Variants in PPP2R2C observed in about 807,000 individuals in gnomAD.
PPP2R2C encodes protein phosphatase 2, regulatory subunit B, gamma.
Under a neutral mutation model 45.3 loss-of-function variants are expected in PPP2R2C, and 10 were observed. That is an observed-to-expected ratio of 0.22 (90% confidence interval 0.14 to 0.37). PPP2R2C has a LOEUF of 0.37. Ranked by LOEUF, PPP2R2C falls within the 10% of genes least tolerant of loss-of-function variation. PPP2R2C has a pLI of 1.00. For synonymous variants in PPP2R2C, 257 were observed against 245.4 expected, an observed-to-expected ratio of 1.05 and a Z score of -0.44; for missense variants, 308 against 619.7, an observed-to-expected ratio of 0.50 and a Z score of 5.34.
intron 2 of PPP2R2C, among the ~76,000 whole-genome samples, chr4:6,493,236 C>T (rs1722763711): frequency 6.6e-6 from 1 of 152,014 alleles, no homozygotes; most frequent in South Asian, 2.1e-4. Flanking sequence ...CACACACGCA[C>T]GCGCGCGCAC....
chr4:6,419,656 C>T (rs894116887), intron 1 of PPP2R2C, among the ~76,000 whole-genome samples: 3 of 152,140 alleles, frequency 2.0e-5, no homozygotes, highest in Non-Finnish European at 2.9e-5. Context: ...GCTGCTGTAA[C>T]ATATTACTAC....
Position 6,554,979 on chromosome 4 carries a change from A to AGAGAAGAGAAGAG in PPP2R2C, c.-59+8580_-59+8581insCTCTTCTCTTCTC, listed in dbSNP as rs1560620534. Among the ~76,000 whole-genome samples the AGAGAAGAGAAGAG allele has an allele frequency of 7.5e-4, 94 of 125,452 alleles. No homozygotes were observed. The East Asian group carries it at 9.6e-3, about 13-fold the overall frequency. The allele number at this position is 125,452 out of a possible 152,430, so 82.3% of individuals were successfully genotyped here. On this transcript the variant is annotated intron_variant, in intron 1 of 9. Transcript: ENST00000506140. ...AGAAAGAAAGAAAGAGAAAGAAAGA[A>AGAGAAGAGAAGAG]AAGAGAAGAGAAGAGAAGAGAAAAG...
chr4:6,558,155 G>C (rs566805623), intron 1 of PPP2R2C, among the ~76,000 whole-genome samples: 6 of 152,172 alleles, frequency 3.9e-5, no homozygotes, highest in African/African-American at 1.4e-4. Flanking sequence ...TGTGATGATC[G>C]CATCCCAACA....
At chr4:6,557,453 C>A (rs1372972064) in intron 1 of PPP2R2C, among the ~76,000 whole-genome samples, 2 of 152,112 alleles carry the variant, frequency 1.3e-5, no homozygotes, top group Non-Finnish European at 2.9e-5. Flanking sequence ...TGGAGACTCC[C>A]TGGGTGGGAC....
chr4:6,379,583 C>T (rs573167768), intron 2 of PPP2R2C, among the ~76,000 whole-genome samples: 3 of 152,344 alleles, frequency 2.0e-5, no homozygotes, highest in Admixed American at 6.5e-5. Flanking sequence ...AAGAAAATCG[C>T]ATCAACCAAT....
chr4:6,412,859 C>T (rs972432835), intron 1 of PPP2R2C, among the ~76,000 whole-genome samples: 1 of 152,160 alleles, frequency 6.6e-6, no homozygotes, highest in Non-Finnish European at 1.5e-5. Flanking sequence ...AGCTCCCTTG[C>T]CCCTTCCCCC....
At position 6,329,139 on chromosome 4, in the gene PPP2R2C, C is replaced by T. The variant is rs1732191572; in HGVS notation, c.1052+123G>A. 1 of 856,936 alleles carries T rather than the reference C, an allele frequency of 1.2e-6. No individual in the cohort carries two copies. Among genetic ancestry groups the T allele is most frequent in the Non-Finnish European group, 1.9e-6 (1 of 527,028 alleles). 53.1% of individuals were successfully genotyped at this position (856,936 alleles called of 1,614,324 possible). A position where few individuals can be genotyped will look rare whatever the true frequency, so the allele number is the denominator to read the frequency against. On this transcript the variant is annotated intron_variant, in intron 8 of 8. Transcript: ENST00000382599. This position sits in a 1 kb window ranked among gnomAD's most constrained non-coding sequence, Gnocchi z 5.8. The stretch of plus-strand genomic sequence containing the variant: ...CTGGAAAGCGTGGGCTTCACCCAGA[C>T]ACCTGGACCCATTGAGGCTGAGTAG...
At chr4:6,496,551 G>C (rs1577221630) in intron 2 of PPP2R2C, among the ~76,000 whole-genome samples, 1 of 152,176 alleles carries the variant, frequency 6.6e-6, no homozygotes, top group East Asian at 1.9e-4. Flanking sequence ...TATTCCCTAG[G>C]CACCTTCTGT....
intron 1 of PPP2R2C, among the ~76,000 whole-genome samples, chr4:6,459,421 T>C (rs1291661470): frequency 6.6e-6 from 1 of 152,148 alleles, no homozygotes; most frequent in Non-Finnish European, 1.5e-5. Context: ...GTTCTTCTCA[T>C]GATTGTGGAA....
chr4:6,562,865 A>T (rs67005752), intron 1 of PPP2R2C, among the ~76,000 whole-genome samples: 1 of 151,406 alleles, frequency 6.6e-6, no homozygotes, highest in Non-Finnish European at 1.5e-5. Flanking sequence ...CATAAAAGCC[A>T]ACCCGGGTCA....
intron 1 of PPP2R2C, among the ~76,000 whole-genome samples, chr4:6,552,109 G>A (rs1725203513): frequency 6.6e-6 from 1 of 152,204 alleles, no homozygotes; most frequent in African/African-American, 2.4e-5. Flanking sequence ...TTGCCACAAG[G>A]GGAGACCTGA....
At chr4:6,365,708 C>A (rs1577112100) in intron 5 of PPP2R2C, among the ~76,000 whole-genome samples, 1 of 152,142 alleles carries the variant, frequency 6.6e-6, no homozygotes. Flanking sequence ...GAGCCTCCTG[C>A]GGTGAATGGC....
intron 2 of PPP2R2C, among the ~76,000 whole-genome samples, chr4:6,512,203 G>A (rs1182374762): frequency 5.9e-5 from 5 of 84,778 alleles, no homozygotes; most frequent in Admixed American, 2.1e-4. Context: ...GGTGGTGATG[G>A]TGGTGGTGAT....
chr4:6,495,586 A>C (rs949994628), intron 2 of PPP2R2C, among the ~76,000 whole-genome samples: 7 of 152,214 alleles, frequency 4.6e-5, no homozygotes, highest in Admixed American at 2.0e-4. Flanking sequence ...TGATTCCAAG[A>C]GAAAGCAACA....
chr4:6,350,488 G>A (rs1180277987), intron 5 of PPP2R2C: 1 of 985,354 alleles, frequency 1.0e-6, no homozygotes, highest in African/African-American at 1.7e-5. Context: ...GAGGCTTGGT[G>A]GCAACAGAAG....
chr4:6,515,122 G>T (rs1723789876), intron 2 of PPP2R2C, among the ~76,000 whole-genome samples: 1 of 152,112 alleles, frequency 6.6e-6, no homozygotes, highest in Non-Finnish European at 1.5e-5. Flanking sequence ...CTTTTGAGGG[G>T]ACACAATTCC....
At chr4:6,391,740 C>T (rs542312566) in intron 1 of PPP2R2C, among the ~76,000 whole-genome samples, 22 of 152,156 alleles carry the variant, frequency 1.4e-4, no homozygotes, top group Admixed American at 2.6e-4. Context: ...CTTGGGGGAG[C>T]GGCAGCAGGG....
At chr4:6,467,764 T>C (rs767445780) in intron 1 of PPP2R2C, among the ~76,000 whole-genome samples, 5 of 152,164 alleles carry the variant, frequency 3.3e-5, no homozygotes, top group Admixed American at 6.5e-5. Context: ...CTCATGTAAC[T>C]GGAAGTTCAG....
intron 1 of PPP2R2C, among the ~76,000 whole-genome samples, chr4:6,440,318 A>T (rs1215821583): frequency 1.3e-5 from 2 of 152,246 alleles, no homozygotes; most frequent in Non-Finnish European, 2.9e-5. Context: ...TCTAACCTTT[A>T]GAGTTTTGTA....
Sources: allele counts gnomAD v4.1 joint callset (sites outside exome capture counted in the v4.1 genomes callset), GRCh38; gene constraint gnomAD v4.1.1; non-coding constraint Gnocchi (gnomAD v3.1); transcripts MANE v1.5; gene names NCBI Gene and HGNC (gene_info 2026-07-23, HGNC 2026-07-21).